MAP1B: variants seen among roughly 807,000 people sequenced by gnomAD.
MAP1B encodes the protein microtubule associated protein 1B, also known as microtubule-associated protein 1B.
Under a neutral mutation model 176.1 loss-of-function variants are expected in MAP1B, and 12 were observed. The observed-to-expected ratio is 0.07, with a 90% CI of 0.04 to 0.11. The LOEUF (loss-of-function observed/expected upper bound fraction) is 0.11. Among genes scored for constraint, MAP1B ranks in the 10% least tolerant of loss-of-function variants. The probability of loss-of-function intolerance (pLI) is 1.00; values close to 1 mark genes in which losing one functional copy is unlikely to be tolerated. For synonymous variants in MAP1B, 1,044 were observed against 1,135.0 expected, an observed-to-expected ratio of 0.92 and a Z score of 1.61; for missense variants, 2,523 against 2,990.5, an observed-to-expected ratio of 0.84 and a Z score of 3.65.
intron 2 of MAP1B, among the ~76,000 whole-genome samples, chr5:72,148,926 A>G (rs949335049): frequency 6.6e-6 from 1 of 152,092 alleles, no homozygotes; most frequent in African/African-American, 2.4e-5. Context: ...CATTTCACTT[A>G]GCTAAGAATT....
chr5:72,160,492 C>A (rs1746307859), intron 2 of MAP1B, among the ~76,000 whole-genome samples: 1 of 152,066 alleles, frequency 6.6e-6, no homozygotes, highest in South Asian at 2.1e-4. Context: ...TTTTTGCAGT[C>A]CCTTTAGGTG....
chr5:72,127,567 T>C (rs1745652486), intron 2 of MAP1B, among the ~76,000 whole-genome samples: 1 of 152,104 alleles, frequency 6.6e-6, no homozygotes, highest in Non-Finnish European at 1.5e-5. Context: ...GTAACAAACC[T>C]CCACATTTTG....
In MAP1B at chr5:72,205,245, A is replaced by C. The variant is rs1489830178; in HGVS notation, c.*6A>C. 6.2e-7 allele frequency: 1 copy of C among 1,607,200 alleles called. No individual in the cohort carries two copies. The highest frequency in any genetic ancestry group is 1.1e-5 in the South Asian group (1 of 89,012). On this transcript the variant is annotated 3_prime_UTR_variant, in exon 7 of 7. Transcript: ENST00000296755. Reference sequence around the variant, plus strand: ...CATGCAAGATTGAACTGTAAAAACCAAGGCCAGCCACACCACAGGATCTGA... The same window carrying C: ...CATGCAAGATTGAACTGTAAAAACCCAGGCCAGCCACACCACAGGATCTGA...
intron 2 of MAP1B, among the ~76,000 whole-genome samples, chr5:72,149,489 G>A (rs766037428): frequency 8.5e-5 from 13 of 152,188 alleles, no homozygotes; most frequent in East Asian, 1.9e-4. Flanking sequence ...TATAAGACAC[G>A]TTTGGTGATT....
At chr5:72,155,384 G>A (rs138422346) in intron 2 of MAP1B, among the ~76,000 whole-genome samples, 9 of 152,314 alleles carry the variant, frequency 5.9e-5, no homozygotes, top group Middle Eastern at 3.4e-3. Context: ...GTGATTCATC[G>A]AGACTGTGTT....
intron 1 of MAP1B, among the ~76,000 whole-genome samples, chr5:72,108,143 G>A (rs1745156771): frequency 6.6e-6 from 1 of 152,206 alleles, no homozygotes; most frequent in African/African-American, 2.4e-5. Flanking sequence ...ACCTGGGGCC[G>A]AAGCCCATGT....
chr5:72,169,575 G>T (rs1264675473), intron 2 of MAP1B: 1 of 154,256 alleles, frequency 6.5e-6, no homozygotes, highest in African/African-American at 2.4e-5. Flanking sequence ...GTAACTATGG[G>T]TATCTATATT....
rs1441167317 is a variant in MAP1B, at chr5:72,194,696, C to G, written c.1341C>G (p.Asp447Glu). 1.2e-6 allele frequency: 2 copies of G among 1,614,198 alleles called. No individual in the cohort carries two copies. Among genetic ancestry groups the G allele is most frequent in the South Asian group, 2.2e-5 (2 of 91,086 alleles). Reference protein sequence around the residue: ...FMQQWTGTNKDKAEFILPNGQ... With the variant: ...FMQQWTGTNKEKAEFILPNGQ... The stretch of plus-strand genomic sequence containing the variant: ...AGCAGTGGACTGGTACCAACAAAGA[C>G]AAGGCTGAATTCATTCTGCCTAATG... Residue 447 changes from aspartate to glutamate, a missense_variant, in exon 5 of 7, where the codon GAC (aspartate) becomes GAG (glutamate). Physicochemically the swap from Asp to Glu is conservative, Grantham distance 45. Transcript: ENST00000296755. This position sits in a 1 kb window ranked among gnomAD's most constrained non-coding sequence, Gnocchi z 7.2.
chr5:72,159,471 C>G (rs1224777025), intron 2 of MAP1B, among the ~76,000 whole-genome samples: 1 of 152,138 alleles, frequency 6.6e-6, no homozygotes, highest in Non-Finnish European at 1.5e-5. Context: ...AAAAATATCA[C>G]TAGATGCCTA....
chr5:72,159,133 C>T (rs1746283221), intron 2 of MAP1B, among the ~76,000 whole-genome samples: 1 of 152,112 alleles, frequency 6.6e-6, no homozygotes, highest in African/African-American at 2.4e-5. Context: ...GTTTGCCAGT[C>T]TCCAAAGCCT....
chr5:72,107,811 C>T, intron 1 of MAP1B, 96 bp downstream of exon 1: 4 of 1,305,118 alleles, frequency 3.1e-6, no homozygotes, highest in Non-Finnish European at 4.3e-6. Flanking sequence ...CCCGCGCGCC[C>T]CGCACCCATG....
In MAP1B at chr5:72,197,625, G is replaced by A; in HGVS notation, c.4270G>A (p.Gly1424Ser). Residue 1424 changes from glycine (G) to serine (S), a missense_variant, in exon 5 of 7, where the codon GGT becomes AGT. This residue lies in a region of MAP1B where 1,925 missense variants were observed against 2,126.0 expected (regional missense o/e 0.91). Coordinates refer to ENST00000296755, the MANE Select transcript of MAP1B (RefSeq NM_005909.5). ...TGCTGATGACAAGGCTTCTGGCAGA[G>A]GTGCCGAAAGTCCTTTTGAAGAAAA... ...LSADDKASGR[G>S]AESPFEEKSG... 2 of 1,614,166 alleles carry A rather than the reference G, an allele frequency of 1.2e-6. No individual in the cohort carries two copies. The highest frequency in any genetic ancestry group is 1.7e-6 in the Non-Finnish European group (2 of 1,180,040).
At chr5:72,118,450 C>G (rs1276245938) in intron 2 of MAP1B, among the ~76,000 whole-genome samples, 1 of 152,244 alleles carries the variant, frequency 6.6e-6, no homozygotes, top group East Asian at 1.9e-4. Context: ...TTATAGGGTG[C>G]TTGGTGAGTG....
rs777756773 is a variant in MAP1B, at chr5:72,194,421, G to A, written c.1066G>A (p.Val356Ile). 4.1e-5 allele frequency: 66 copies of A among 1,614,112 alleles called. 1 individual carries two copies. Among genetic ancestry groups the A allele is most frequent in the South Asian group, 3.5e-4 (32 of 91,076 alleles). The change falls in exon 5 of 7, where the codon GTT (valine) becomes ATT (isoleucine). Residue 356 changes from valine (V) to isoleucine (I), a missense_variant. Transcript: ENST00000296755. The surrounding 1 kb of genome is among the most constrained non-coding windows in gnomAD (Gnocchi z 7.2). ...MKNLISPDLG[V>I]VFLNVPENLK... is the part of the protein sequence containing the mutation. ...AAACCTCATCTCCCCTGACTTAGGA[G>A]TTGTATTTCTCAATGTACCTGAAAA...
In MAP1B at chr5:72,196,259, G is replaced by C. The variant is rs373529318; in HGVS notation, c.2904G>C (p.Lys968Asn). The C allele has an allele frequency of 6.2e-7, 1 of 1,613,870 alleles. No homozygotes were observed. The highest frequency in any genetic ancestry group is 1.3e-5 in the African/African-American group (1 of 74,910). Residue 968 changes from lysine (K) to asparagine (N), a missense_variant, in exon 5 of 7, where the codon AAG becomes AAC. Lys to Asn is a moderately conservative substitution (Grantham distance 94). Transcript: ENST00000296755. The surrounding 1 kb of genome is among the most constrained non-coding windows in gnomAD (Gnocchi z 5.3). Reference sequence around the variant, plus strand: ...AACACGTATGTGTGAGCGCCTCCAAGCACAGCCCCACTGAGGATGAGGAAA... The same window carrying C: ...AACACGTATGTGTGAGCGCCTCCAACCACAGCCCCACTGAGGATGAGGAAA... ...GEEHVCVSASKHSPTEDEESA... is the reference protein window; with the variant it reads ...GEEHVCVSASNHSPTEDEESA...
At chr5:72,116,407 T>G (rs1196668602) in intron 2 of MAP1B, 2 of 411,616 alleles carry the variant, frequency 4.9e-6, no homozygotes, top group Non-Finnish European at 9.3e-6. Flanking sequence ...TCTGTTAAAA[T>G]AGCCTTTTTT....
chr5:72,155,604 G>A (rs1173000449), intron 2 of MAP1B, among the ~76,000 whole-genome samples: 2 of 152,176 alleles, frequency 1.3e-5, no homozygotes, highest in Non-Finnish European at 2.9e-5. Flanking sequence ...CCCAGCATCA[G>A]TGGAGTCAGG....
chr5:72,133,696 TACAAAG>T (rs1554052151), intron 2 of MAP1B, among the ~76,000 whole-genome samples: 1 of 152,206 alleles, frequency 6.6e-6, no homozygotes, highest in Non-Finnish European at 1.5e-5. Flanking sequence ...TTTTACAAAA[TACAAAG>T]ACAGTCTTAA....
intron 2 of MAP1B, among the ~76,000 whole-genome samples, chr5:72,165,685 A>G (rs931847836): frequency 6.6e-6 from 1 of 152,222 alleles, no homozygotes; most frequent in Admixed American, 6.5e-5. Context: ...GAACAGGACT[A>G]TATCACTACC....
Sources: gnomAD v4.1 joint callset for allele counts (sites outside exome capture counted in the v4.1 genomes callset) on GRCh38, gnomAD v4.1.1 for gene constraint, gnomAD v4.1.1 regional missense constraint, Gnocchi (gnomAD v3.1) non-coding constraint, MANE v1.5 for transcripts, NCBI Gene and HGNC (gene_info 2026-07-23, HGNC 2026-07-21) for gene names.